CNTNAP2: variants seen among roughly 807,000 people sequenced by gnomAD.
CNTNAP2 encodes the protein contactin-associated protein-like 2.
Under a neutral mutation model 155.2 loss-of-function variants are expected in CNTNAP2, and 98 were observed. That is an observed-to-expected ratio of 0.63 (90% confidence interval 0.54 to 0.75). The LOEUF (loss-of-function observed/expected upper bound fraction) is 0.75, where lower values mean the gene tolerates loss of function less well. Among genes scored for constraint, CNTNAP2 ranks in the 30% least tolerant of loss-of-function variants. The pLI is 0.00. For synonymous variants in CNTNAP2, 651 were observed against 631.2 expected (o/e 1.03, Z -0.47); for missense variants, 1,727 against 1,688.1 (o/e 1.02, Z -0.40).
At chr7:148,277,533 C>G (rs1263924530) in intron 21 of CNTNAP2, among the ~76,000 whole-genome samples, 3 of 152,030 alleles carry the variant, frequency 2.0e-5, no homozygotes, top group African/African-American at 7.2e-5. Flanking sequence ...ACCCTGTCGG[C>G]TTACTCTTCT....
At chr7:147,783,660 A>G (rs1797689996) in intron 13 of CNTNAP2, among the ~76,000 whole-genome samples, 1 of 152,220 alleles carries the variant, frequency 6.6e-6, no homozygotes, top group Admixed American at 6.5e-5. Flanking sequence ...TTAACATTCA[A>G]TGTGATGATA....
intron 14 of CNTNAP2, among the ~76,000 whole-genome samples, chr7:147,976,727 T>G (rs1362293850): frequency 6.6e-6 from 1 of 152,152 alleles, no homozygotes; most frequent in African/African-American, 2.4e-5. Flanking sequence ...GCATAGCATT[T>G]TCAAGACAGG....
chr7:148,014,365 T>A lies in CNTNAP2; in HGVS notation c.2383+36376T>A, dbSNP rs948918004. 10 of 151,676 alleles carry A rather than the reference T, an allele frequency of 6.6e-5. No homozygotes were observed. The East Asian group carries it at 1.7e-3, about 26-fold the overall frequency. 9.4% of individuals were successfully genotyped at this position (151,676 alleles called of 1,614,324 possible). A position where few individuals can be genotyped will look rare whatever the true frequency, so the allele number is the denominator to read the frequency against. On this transcript the variant is annotated intron_variant, in intron 15 of 23. Transcript: ENST00000361727. ...AAATGGAATACAGTTTTATTTCCAA[T>A]AAACAGCAGCCGTAACAAAACTTCA...
At chr7:146,680,525 A>G (rs975637996) in intron 1 of CNTNAP2, among the ~76,000 whole-genome samples, 2 of 152,142 alleles carry the variant, frequency 1.3e-5, no homozygotes, top group Non-Finnish European at 2.9e-5. Flanking sequence ...GTTTTGCCTC[A>G]TTCTCTCCTT....
At position 147,045,842 on chromosome 7, in the gene CNTNAP2, A is replaced by G. The variant is rs150677503; in HGVS notation, c.550+1788A>G. ...CACACATATATATAGGTATATATAC[A>G]CACACATATACATACACACACACAC... On this transcript the variant is annotated intron_variant, in intron 4 of 23. Coordinates refer to ENST00000361727, the MANE Select transcript of CNTNAP2 (RefSeq NM_014141.6). Among the ~76,000 whole-genome samples the G allele has an allele frequency of 3.2e-4, 49 of 152,248 alleles. No homozygotes were observed. The East Asian group carries it at 9.1e-3, about 28-fold the overall frequency.
At chr7:146,483,280 AAAATAT>A (rs1375277812) in intron 1 of CNTNAP2, among the ~76,000 whole-genome samples, 4 of 54,470 alleles carry the variant, frequency 7.3e-5, no homozygotes, top group East Asian at 6.1e-4. Context: ...CGTCTAAAAA[AAAATAT>A]ATATATATAT....
chr7:148,238,996 G>A (rs1443506714), intron 20 of CNTNAP2, among the ~76,000 whole-genome samples: 1 of 152,128 alleles, frequency 6.6e-6, no homozygotes, highest in African/African-American at 2.4e-5. Flanking sequence ...ATTTTTTAGG[G>A]ATGTCAGAAC....
At chr7:146,135,044 A>G (rs974765112) in intron 1 of CNTNAP2, among the ~76,000 whole-genome samples, 2 of 151,650 alleles carry the variant, frequency 1.3e-5, no homozygotes, top group Non-Finnish European at 2.9e-5. Context: ...CTGGTCCTGG[A>G]CTCTTTTTTA....
intron 13 of CNTNAP2, among the ~76,000 whole-genome samples, chr7:147,733,928 G>A (rs181084234): frequency 1.3e-5 from 2 of 152,088 alleles, no homozygotes; most frequent in Non-Finnish European, 1.5e-5. Flanking sequence ...GAGACGATGG[G>A]GTTTTCTAGA....
intron 1 of CNTNAP2, among the ~76,000 whole-genome samples, chr7:146,432,472 A>G (rs188327984): frequency 2.6e-5 from 4 of 152,190 alleles, no homozygotes; most frequent in African/African-American, 9.6e-5. Flanking sequence ...CTCATTATGA[A>G]ACTCTGTAAA....
At chr7:147,356,787 A>T (rs1276353578) in intron 9 of CNTNAP2, among the ~76,000 whole-genome samples, 1 of 152,052 alleles carries the variant, frequency 6.6e-6, no homozygotes, top group Admixed American at 6.6e-5. Context: ...CATAATTCGG[A>T]TTGGTATTTT....
At chr7:147,048,495 T>A (rs76272365) in intron 4 of CNTNAP2, among the ~76,000 whole-genome samples, 4,271 of 152,228 alleles carry the variant, frequency 0.028, 202 homozygotes, top group African/African-American at 0.093. Context: ...AAGTTTGGGA[T>A]AATCTGTTAT....
chr7:147,532,632 GAC>G (rs1321494550), intron 11 of CNTNAP2, among the ~76,000 whole-genome samples: 1 of 152,164 alleles, frequency 6.6e-6, no homozygotes, highest in Non-Finnish European at 1.5e-5. Flanking sequence ...TGCTGATGAA[GAC>G]ATACCTGACA....
intron 2 of CNTNAP2, among the ~76,000 whole-genome samples, chr7:146,774,967 A>C (rs1161686783): frequency 6.6e-6 from 1 of 152,198 alleles, no homozygotes; most frequent in Admixed American, 6.5e-5. Context: ...ATTCACTGAG[A>C]GTAAAAGAAC....
At chr7:148,223,241 C>T (rs1347846590) in intron 19 of CNTNAP2, among the ~76,000 whole-genome samples, 1 of 152,154 alleles carries the variant, frequency 6.6e-6, no homozygotes, top group East Asian at 1.9e-4. Flanking sequence ...ATGACTTCTC[C>T]TTGCTTTAAA....
chr7:148,349,649 T>C (rs767161637), intron 21 of CNTNAP2, among the ~76,000 whole-genome samples: 20 of 151,974 alleles, frequency 1.3e-4, no homozygotes, highest in Non-Finnish European at 2.8e-4. Context: ...GATCCGCCCG[T>C]CTCAGCCTCC....
intron 1 of CNTNAP2, among the ~76,000 whole-genome samples, chr7:146,380,859 G>A (rs537846050): frequency 7.3e-4 from 85 of 116,236 alleles, no homozygotes; most frequent in African/African-American, 2.3e-3. Context: ...GTGCAGTGGC[G>A]CAATCTCGGC....
intron 15 of CNTNAP2, among the ~76,000 whole-genome samples, chr7:148,002,742 G>T (rs1801919045): frequency 6.6e-6 from 1 of 152,100 alleles, no homozygotes; most frequent in Non-Finnish European, 1.5e-5. Context: ...CTCATTCACT[G>T]GTGGGCAAGT....
At chr7:147,262,722 C>T (rs1249527313) in intron 8 of CNTNAP2, among the ~76,000 whole-genome samples, 1 of 152,166 alleles carries the variant, frequency 6.6e-6, no homozygotes, top group African/African-American at 2.4e-5. Flanking sequence ...AGGAGAATGG[C>T]ATGAACCCGG....
Sources: allele counts gnomAD v4.1 joint callset (sites outside exome capture counted in the v4.1 genomes callset), GRCh38; gene constraint gnomAD v4.1.1; transcripts MANE v1.5; gene names NCBI Gene and HGNC (gene_info 2026-07-23, HGNC 2026-07-21).